ITGAL: variants seen among roughly 807,000 people sequenced by gnomAD.
The protein encoded by ITGAL is integrin alpha-L.
Under a neutral mutation model 138.4 loss-of-function variants are expected in ITGAL, and 68 were observed. The observed-to-expected ratio is 0.49, with a 90% CI of 0.40 to 0.60. The LOEUF is 0.60. ITGAL is among the 20% of genes least tolerant of loss of function. The pLI, the probability that ITGAL is intolerant of heterozygous loss-of-function variation, is 0.00. For missense variants in ITGAL, 1,256 were observed against 1,478.6 expected, an observed-to-expected ratio of 0.85 and a Z score of 2.47; for synonymous variants, 561 against 584.3, an observed-to-expected ratio of 0.96 and a Z score of 0.57.
rs540717071 is a variant in ITGAL at position 30,520,238 on chromosome 16, C to T, written c.3339+271C>T. Among the ~76,000 whole-genome samples, 132 of 152,140 alleles carry T rather than the reference C, an allele frequency of 8.7e-4. 1 individual carries two copies. The highest frequency in any genetic ancestry group is 2.8e-3 in the African/African-American group (118 of 41,492). On this transcript the variant is annotated intron_variant, in intron 30 of 30. Coordinates refer to ENST00000356798, the MANE Select transcript of ITGAL (RefSeq NM_002209.3). Reference sequence around the variant, plus strand: ...CACGTGAGCCTGGGAGTTCAAGACCCGCCTGGGCAACATGGAAAGCATCCG... The same window carrying T: ...CACGTGAGCCTGGGAGTTCAAGACCTGCCTGGGCAACATGGAAAGCATCCG...
At chr16:30,499,019 G>C in intron 15 of ITGAL, 55 bp from the exon 16 acceptor site, 3 of 1,565,838 alleles carry the variant, frequency 1.9e-6, no homozygotes, top group East Asian at 2.3e-5. Context: ...CCACATCTGA[G>C]GGGGGACGTG....
chr16:30,518,100 T>G (rs530946492), intron 28 of ITGAL, among the ~76,000 whole-genome samples: 1 of 152,306 alleles, frequency 6.6e-6, no homozygotes, highest in African/African-American at 2.4e-5. Flanking sequence ...GGATAGTTCC[T>G]GTGTGTTCTT....
Position 30,494,275 on chromosome 16 carries a change from G to A in ITGAL, c.1277G>A (p.Arg426Gln), listed in dbSNP as rs755566914. ...TCGTTGCTGGCCTCGGGAGCCCCTCGATACCAGCACATGGGCCGAGTGCTG... is the reference window on the plus strand; with the variant it reads ...TCGTTGCTGGCCTCGGGAGCCCCTCAATACCAGCACATGGGCCGAGTGCTG... ...KTSLLASGAP[R>Q]YQHMGRVLLF... The change falls in exon 12 of 31, where the codon CGA (arginine) becomes CAA (glutamine). Residue 426 changes from arginine (R) to glutamine (Q), a missense_variant. Physicochemically the swap from Arg to Gln is conservative, Grantham distance 43. Transcript: ENST00000356798. The surrounding 1 kb of genome is among the most constrained non-coding windows in gnomAD (Gnocchi z 4.2). 12 of 1,613,350 alleles carry A rather than the reference G, an allele frequency of 7.4e-6. No individual in the cohort carries two copies. Among genetic ancestry groups the A allele is most frequent in the Non-Finnish European group, 1.0e-5 (12 of 1,179,494 alleles).
At position 30,521,701 on chromosome 16, in the gene ITGAL, G is replaced by C; in HGVS notation, c.*36G>C. Reference sequence around the variant, plus strand: ...GTGAGGTGCAGAGTGCCCAGAACTGGACTCAGGATGCCCAGGGCCACTCTG... The same window carrying C: ...GTGAGGTGCAGAGTGCCCAGAACTGCACTCAGGATGCCCAGGGCCACTCTG... On this transcript the variant is annotated 3_prime_UTR_variant, in exon 31 of 31. Transcript: ENST00000356798. The C allele has an allele frequency of 2.5e-6, 4 of 1,595,626 alleles. No individual in the cohort carries two copies. Among genetic ancestry groups the C allele is most frequent in the Non-Finnish European group, 3.4e-6 (4 of 1,168,886 alleles).
chr16:30,488,327 TG>T (rs2050676595), intron 9 of ITGAL, among the ~76,000 whole-genome samples: 2 of 151,460 alleles, frequency 1.3e-5, no homozygotes, highest in Admixed American at 6.6e-5. Flanking sequence ...ATTAGGTGAG[TG>T]GGGGTGCCAT....
At position 30,494,357 on chromosome 16, in the gene ITGAL, G is replaced by T; in HGVS notation, c.1359G>T (p.Gly453=). Reference sequence around the variant, plus strand: ...GGAGCCAGGTCCAGACAATCCATGGGACCCAGGTGCGCCCAGTCCGAGGGC... The same window carrying T: ...GGAGCCAGGTCCAGACAATCCATGGTACCCAGGTGCGCCCAGTCCGAGGGC... The part of the protein sequence containing the change: ...GHWSQVQTIH[G]TQIGSYFGGE... Residue 453 remains glycine, a synonymous_variant, in exon 12 of 31, where the codon GGG becomes GGT. Coordinates refer to ENST00000356798, the MANE Select transcript of ITGAL (RefSeq NM_002209.3). The surrounding 1 kb of genome is among the most constrained non-coding windows in gnomAD (Gnocchi z 4.2). The T allele has an allele frequency of 6.2e-7, 1 of 1,606,090 alleles. No homozygotes were observed. Among genetic ancestry groups the T allele is most frequent in the South Asian group, 1.1e-5 (1 of 90,720 alleles).
rs1257669283 is a variant in ITGAL at position 30,509,191 on chromosome 16, A to AG, written c.2509-1170_2509-1169insG. On this transcript the variant is annotated intron_variant, in intron 21 of 30. Transcript: ENST00000356798. ...GACTCCATCTCAAAAAAAAAAAAAA[A>AG]AGAGAGAGAGAGAGAGAAAATAACT... Among the ~76,000 whole-genome samples the AG allele has an allele frequency of 1.5e-4, 22 of 149,972 alleles. No homozygotes were observed. In the East Asian group the frequency reaches 1.9e-3, roughly 13 times the overall value.
chr16:30,496,619 T>A, intron 15 of ITGAL, 53 bp downstream of exon 15: 1 of 1,466,542 alleles, frequency 6.8e-7, no homozygotes, highest in Non-Finnish European at 9.0e-7. Context: ...TATCCTGTTT[T>A]GTTTATATTT....
At chr16:30,477,459 G>A (rs1489689485) in intron 4 of ITGAL, 2 of 152,078 alleles carry the variant, frequency 1.3e-5, no homozygotes, top group Non-Finnish European at 2.9e-5. Context: ...AGGATCAGTT[G>A]AGGCCAGGAG....
At chr16:30,496,670 C>A in intron 15 of ITGAL, 104 bp downstream of exon 15, 1 of 1,122,230 alleles carries the variant, frequency 8.9e-7, no homozygotes, top group Non-Finnish European at 1.2e-6. Context: ...GAGACAGGGT[C>A]TCTCTTTGTT....
rs755319798 is a variant in ITGAL, at chr16:30,516,985, C to A, written c.2875C>A (p.Pro959Thr). Reference sequence around the variant, plus strand: ...TCCTCTGTGCCAGGTGAGGATCCAGCCTTCCATCCACGACCACAACATACC... The same window carrying A: ...TCCTCTGTGCCAGGTGAGGATCCAGACTTCCATCCACGACCACAACATACC... Reference protein sequence around the residue: ...VKHMYQVRIQPSIHDHNIPTL... With the variant: ...VKHMYQVRIQTSIHDHNIPTL... Residue 959 changes from proline (P) to threonine (T), a missense_variant, in exon 26 of 31, where the codon CCT becomes ACT. Physicochemically the swap from Pro to Thr is conservative, Grantham distance 38 (BLOSUM62 -1). Transcript: ENST00000356798. 1 of 1,612,868 alleles carries A rather than the reference C, an allele frequency of 6.2e-7. No homozygotes were observed. The highest frequency in any genetic ancestry group is 8.5e-7 in the Non-Finnish European group (1 of 1,178,900).
intron 6 of ITGAL, 92 bp from the exon 7 acceptor site, chr16:30,481,347 A>G: frequency 5.1e-5 from 1 of 19,728 alleles, no homozygotes; most frequent in Non-Finnish European, 8.4e-5. Flanking sequence ...ACTCCATCTA[A>G]AAAAAAAAAA....
chr16:30,490,778 G>A lies in ITGAL; in HGVS notation c.1213+1392G>A, dbSNP rs572174823. The stretch of plus-strand genomic sequence containing the variant: ...AGGTCAAGAGTTCAAGACCAGCCTG[G>A]CCAACATGGTGAAACCCCGTCTCTA... On this transcript the variant is annotated intron_variant, in intron 11 of 30. Coordinates refer to ENST00000356798, the MANE Select transcript of ITGAL (RefSeq NM_002209.3). 8.5e-5 allele frequency among the ~76,000 whole-genome samples: 13 copies of A among 152,126 alleles called. No homozygotes were observed. The East Asian group carries it at 1.4e-3, about 16-fold the overall frequency.
intron 15 of ITGAL, 189 bp from the exon 16 acceptor site, chr16:30,498,885 G>A (rs1283243643): frequency 6.8e-6 from 4 of 585,984 alleles, no homozygotes; most frequent in African/African-American, 3.7e-5. Context: ...TGGGCAACAG[G>A]GTGAGACCCT....
intron 25 of ITGAL, among the ~76,000 whole-genome samples, chr16:30,514,756 C>T (rs893634963): frequency 4.6e-5 from 7 of 152,116 alleles, no homozygotes; most frequent in African/African-American, 1.7e-4. Context: ...TAGGTGCTGG[C>T]ATCCTGCCCA....
At chr16:30,474,359 T>C in intron 2 of ITGAL, 61 bp downstream of exon 2, 1 of 1,228,434 alleles carries the variant, frequency 8.1e-7, no homozygotes. Context: ...CCCGAGGCGG[T>C]GGCCGCCTCC....
intron 2 of ITGAL, 136 bp from the exon 3 acceptor site, chr16:30,475,170 C>A: frequency 2.9e-6 from 2 of 688,026 alleles, no homozygotes; most frequent in Non-Finnish European, 5.1e-6. Context: ...CCCCACCTGG[C>A]CAGAGGCACC....
At chr16:30,515,293 T>C (rs1441411029) in intron 25 of ITGAL, among the ~76,000 whole-genome samples, 1 of 152,210 alleles carries the variant, frequency 6.6e-6, no homozygotes, top group Non-Finnish European at 1.5e-5. Flanking sequence ...TGGAGTCTGG[T>C]TGTCTGTGTC....
chr16:30,510,764 T>G, intron 22 of ITGAL, 117 bp from the exon 23 acceptor site: 1 of 832,760 alleles, frequency 1.2e-6, no homozygotes, highest in Non-Finnish European at 2.0e-6. Flanking sequence ...AGCTCAGTGC[T>G]TGGGGTGCAG....
Sources: allele counts gnomAD v4.1 joint callset (sites outside exome capture counted in the v4.1 genomes callset), GRCh38; gene constraint gnomAD v4.1.1; non-coding constraint Gnocchi (gnomAD v3.1); transcripts MANE v1.5; gene names NCBI Gene and HGNC (gene_info 2026-07-23, HGNC 2026-07-21).